The following KHDRBS2 variants were observed in gnomAD, a reference collection of about 807,000 sequenced individuals.
KHDRBS2 encodes the protein KH RNA binding domain containing, signal transduction associated 2.
In KHDRBS2, 26 loss-of-function variants were observed where a neutral mutation model predicts 44.3. That is an observed-to-expected ratio of 0.59 (90% CI 0.43 to 0.81). The LOEUF is 0.81. Ranked by LOEUF, KHDRBS2 falls within the 40% of genes least tolerant of loss-of-function variation. The pLI is 0.00. For missense variants in KHDRBS2, 476 were observed against 433.1 expected, an observed-to-expected ratio of 1.10 and a Z score of -0.88; for synonymous variants, 194 against 151.1, an observed-to-expected ratio of 1.28 and a Z score of -2.08.
the KHDRBS2 span, among the ~76,000 whole-genome samples, chr6:61,633,265 G>T: frequency 6.6e-6 from 1 of 152,002 alleles, no homozygotes; most frequent in South Asian, 2.1e-4. Flanking sequence ...AGATACTCTC[G>T]AAATATGAAA....
intron 6 of KHDRBS2, among the ~76,000 whole-genome samples, chr6:61,741,834 T>G (rs945660619): frequency 6.6e-6 from 1 of 151,982 alleles, no homozygotes; most frequent in Non-Finnish European, 1.5e-5. Context: ...ATATGAAATG[T>G]CATTCTGACT....
chr6:61,555,812 G>A, the KHDRBS2 span, among the ~76,000 whole-genome samples: 186 of 152,286 alleles, frequency 1.2e-3, 2 homozygotes, highest in African/African-American at 4.1e-3. Context: ...ACACTCCTGG[G>A]CTATATGCTT....
the KHDRBS2 span, among the ~76,000 whole-genome samples, chr6:61,559,988 G>A: frequency 6.6e-6 from 1 of 152,044 alleles, no homozygotes; most frequent in African/African-American, 2.4e-5. Flanking sequence ...ATTTCTTGTA[G>A]GACATGTGTG....
Position 62,228,936 on chromosome 6 carries a change from T to C in KHDRBS2, c.92-51624A>G, listed in dbSNP as rs1185004453. 2.0e-5 allele frequency among the ~76,000 whole-genome samples: 3 copies of C among 152,156 alleles called. No homozygotes were observed. In the East Asian group the frequency reaches 5.8e-4, roughly 29 times the overall value. Reference sequence around the variant, plus strand: ...AACTGATTGCCAGTAGGAACATTCCTGTATAGGGTATCTGACAACCCTGTT... The same window carrying C: ...AACTGATTGCCAGTAGGAACATTCCCGTATAGGGTATCTGACAACCCTGTT... On this transcript the variant is annotated intron_variant, in intron 1 of 8. Coordinates refer to ENST00000281156, the MANE Select transcript of KHDRBS2 (RefSeq NM_152688.4).
At chr6:62,013,913 C>G (rs1780743600) in intron 3 of KHDRBS2, among the ~76,000 whole-genome samples, 1 of 152,098 alleles carries the variant, frequency 6.6e-6, no homozygotes, top group African/African-American at 2.4e-5. Flanking sequence ...GTGCTAGCAA[C>G]CACAGGAAGG....
chr6:61,983,848 A>G (rs1774483303), intron 3 of KHDRBS2, among the ~76,000 whole-genome samples: 1 of 152,208 alleles, frequency 6.6e-6, no homozygotes, highest in South Asian at 2.1e-4. Context: ...GGAAAACTAT[A>G]AACCACTCTT....
intron 2 of KHDRBS2, among the ~76,000 whole-genome samples, chr6:62,158,585 G>A (rs1056698239): frequency 1.3e-5 from 2 of 151,994 alleles, no homozygotes; most frequent in African/African-American, 4.8e-5. Flanking sequence ...TATTCTTACA[G>A]ATTTCTTTCC....
At chr6:61,950,004 C>T (rs186026739) in intron 4 of KHDRBS2, among the ~76,000 whole-genome samples, 1 of 152,110 alleles carries the variant, frequency 6.6e-6, no homozygotes, top group East Asian at 1.9e-4. Flanking sequence ...TGTTTCATTA[C>T]AGCTGATAGT....
At chr6:61,918,474 C>G (rs915913990) in intron 4 of KHDRBS2, among the ~76,000 whole-genome samples, 1 of 151,798 alleles carries the variant, frequency 6.6e-6, no homozygotes, top group Non-Finnish European at 1.5e-5. Flanking sequence ...GGGATTATTG[C>G]CCTTATAAGG....
At chr6:61,603,146 T>C in the KHDRBS2 span, among the ~76,000 whole-genome samples, 625 of 152,290 alleles carry the variant, frequency 4.1e-3, 2 homozygotes, top group African/African-American at 0.014. Context: ...CACTTGCCTG[T>C]TACAGCATGG....
At chr6:61,806,589 T>C (rs1787205805) in intron 6 of KHDRBS2, among the ~76,000 whole-genome samples, 1 of 151,978 alleles carries the variant, frequency 6.6e-6, no homozygotes, top group Non-Finnish European at 1.5e-5. Flanking sequence ...ATAATTACTT[T>C]TTAAAAATGT....
chr6:61,972,754 C>A (rs1184783103), intron 4 of KHDRBS2, among the ~76,000 whole-genome samples: 2 of 152,174 alleles, frequency 1.3e-5, no homozygotes, highest in Non-Finnish European at 1.5e-5. Flanking sequence ...AATGTATCTG[C>A]CATCTCTCAC....
rs1366277442 is a variant in KHDRBS2, at chr6:61,751,350, C to A, written c.811-18586G>T. Among the ~76,000 whole-genome samples, 5 of 152,264 alleles carry A rather than the reference C, an allele frequency of 3.3e-5. 1 individual carries two copies. Among genetic ancestry groups the A allele is most frequent in the Admixed American group, 2.0e-4 (3 of 15,292 alleles). On this transcript the variant is annotated intron_variant, in intron 6 of 8. Transcript: ENST00000281156. ...AGTTCCAGGGGCTACTGATAATCTG[C>A]TAATCTGGCAAAGGGGTTCATCCGT...
chr6:62,146,958 G>C (rs1460934064), intron 2 of KHDRBS2, among the ~76,000 whole-genome samples: 1 of 151,782 alleles, frequency 6.6e-6, no homozygotes, highest in Non-Finnish European at 1.5e-5. Flanking sequence ...CACTGTAAAA[G>C]GTTATATTTT....
chr6:61,739,474 A>T (rs1468043073), intron 6 of KHDRBS2, among the ~76,000 whole-genome samples: 1 of 151,856 alleles, frequency 6.6e-6, no homozygotes, highest in South Asian at 2.1e-4. Context: ...TTTACAATGT[A>T]AAGGTTATAG....
intron 7 of KHDRBS2, among the ~76,000 whole-genome samples, chr6:61,698,459 GAGTTAA>G (rs1768171853): frequency 6.6e-6 from 1 of 152,058 alleles, no homozygotes; most frequent in Non-Finnish European, 1.5e-5. Context: ...AGCTATCACT[GAGTTAA>G]AGTTATTACT....
chr6:62,004,420 C>T (rs1778846664), intron 3 of KHDRBS2, among the ~76,000 whole-genome samples: 1 of 152,092 alleles, frequency 6.6e-6, no homozygotes, highest in African/African-American at 2.4e-5. Context: ...GGATAAATTC[C>T]TGGAGACATA....
chr6:61,588,717 G>A, the KHDRBS2 span, among the ~76,000 whole-genome samples: 7 of 152,014 alleles, frequency 4.6e-5, no homozygotes, highest in Non-Finnish European at 8.8e-5. Context: ...ACTTAAGCTC[G>A]GGAGGTCACG....
intron 6 of KHDRBS2, among the ~76,000 whole-genome samples, chr6:61,873,560 CA>C (rs1358457372): frequency 6.6e-6 from 1 of 150,748 alleles, no homozygotes; most frequent in African/African-American, 2.4e-5. Context: ...AACAGTTGAA[CA>C]TTCTCATTCT....
Sources: gnomAD v4.1 joint callset for allele counts (sites outside exome capture counted in the v4.1 genomes callset) on GRCh38, gnomAD v4.1.1 for gene constraint, MANE v1.5 for transcripts, NCBI Gene and HGNC (gene_info 2026-07-23, HGNC 2026-07-21) for gene names.